Variants in UROC1 observed in about 807,000 individuals in gnomAD.
The protein encoded by UROC1 is urocanate hydratase.
A neutral mutation model predicts 89.5 loss-of-function variants in UROC1; 79 were observed. The ratio of observed to expected loss-of-function variants is 0.88; its 90% CI spans 0.74 to 1.06. UROC1 has a LOEUF of 1.06. Ranked by LOEUF, UROC1 falls within the 50% of genes least tolerant of loss-of-function variation. UROC1 has a pLI of 0.00. For missense variants in UROC1, 885 were observed against 907.8 expected (o/e 0.97, Z 0.32); for synonymous variants, 361 against 354.8 (o/e 1.02, Z -0.20).
At chr3:126,487,667 A>G (rs1343959362) in intron 18 of UROC1, among the ~76,000 whole-genome samples, 2 of 152,172 alleles carry the variant, frequency 1.3e-5, no homozygotes, top group African/African-American at 4.8e-5. Flanking sequence ...AGGAGCCCAG[A>G]TCTGGGGAGC....
chr3:126,508,947 G>A (rs1324998227), intron 3 of UROC1, among the ~76,000 whole-genome samples: 1 of 152,110 alleles, frequency 6.6e-6, no homozygotes, highest in Non-Finnish European at 1.5e-5. Flanking sequence ...CCAATATGGT[G>A]GCCACCAGTC....
chr3:126,489,849 C>T (rs917068364), intron 16 of UROC1, among the ~76,000 whole-genome samples: 6 of 152,306 alleles, frequency 3.9e-5, no homozygotes, highest in African/African-American at 1.2e-4. Flanking sequence ...TTCATTTGGA[C>T]GCAACCCCAT....
chr3:126,492,907 G>A (rs1935688393), intron 15 of UROC1, among the ~76,000 whole-genome samples: 1 of 152,258 alleles, frequency 6.6e-6, no homozygotes. Context: ...GGGCAAGTTT[G>A]CGTTGGGCCT....
intron 9 of UROC1, chr3:126,502,007 T>C (rs775117055): frequency 3.4e-5 from 50 of 1,481,694 alleles, no homozygotes; most frequent in Non-Finnish European, 4.2e-5. Context: ...AGCTCGGGGG[T>C]TGCGGAAGTG....
rs569077460 is a variant in UROC1 at position 126,486,004 on chromosome 3, C to T, written c.1790+2194G>A. On this transcript the variant is annotated intron_variant, in intron 18 of 19. Coordinates refer to ENST00000290868, the MANE Select transcript of UROC1 (RefSeq NM_144639.3). The stretch of plus-strand genomic sequence containing the variant: ...GTGATGGGATTCTGAAAGCTGGAGG[C>T]AGGCATCAGAAAGCTCCAGCGCAGT... Among the ~76,000 whole-genome samples, 6 of 152,340 alleles carry T rather than the reference C, an allele frequency of 3.9e-5. No individual in the cohort carries two copies. The South Asian group carries it at 1.2e-3, about 32-fold the overall frequency.
chr3:126,484,815 C>T (rs1935475199), intron 18 of UROC1, among the ~76,000 whole-genome samples: 2 of 152,206 alleles, frequency 1.3e-5, no homozygotes, highest in Admixed American at 6.5e-5. Flanking sequence ...TGCTCCAAGT[C>T]GATCTAAGGT....
chr3:126,498,830 C>T (rs1014883907), intron 13 of UROC1, among the ~76,000 whole-genome samples: 15 of 152,110 alleles, frequency 9.9e-5, no homozygotes, highest in Non-Finnish European at 2.1e-4. Flanking sequence ...TGTGGTCCCT[C>T]CTGCCCCCAG....
intron 2 of UROC1, 104 bp downstream of exon 2, chr3:126,510,560 C>A: frequency 6.5e-7 from 1 of 1,534,114 alleles, no homozygotes; most frequent in East Asian, 2.4e-5. Flanking sequence ...GACTGGGTTT[C>A]CCCCTCACTG....
chr3:126,505,623 G>T (rs1936035938), intron 8 of UROC1, 78 bp downstream of exon 8: 3 of 1,571,172 alleles, frequency 1.9e-6, no homozygotes, highest in East Asian at 2.3e-5. Flanking sequence ...TGGTGTAAGT[G>T]ATCCGGGAGG....
chr3:126,482,013 G>T lies in UROC1; in HGVS notation c.*332C>A, dbSNP rs1397913560. On this transcript the variant is annotated 3_prime_UTR_variant, in exon 20 of 20. Coordinates refer to ENST00000290868, the MANE Select transcript of UROC1 (RefSeq NM_144639.3). ...CTGGCAGGTGGCCAGGAAGCAGAGG[G>T]TGTGATCATCCCAGCCGGAGAGAGC... 1.6e-5 allele frequency: 6 copies of T among 365,452 alleles called. No individual in the cohort carries two copies. The East Asian group carries it at 3.6e-4, about 22-fold the overall frequency. 22.6% of individuals were successfully genotyped at this position (365,452 alleles called of 1,614,324 possible).
At position 126,483,404 on chromosome 3, in the gene UROC1, C is replaced by A; in HGVS notation, c.1855G>T (p.Ala619Ser). The A allele has an allele frequency of 1.2e-6, 2 of 1,613,682 alleles. No homozygotes were observed. The highest frequency in any genetic ancestry group is 1.7e-6 in the Non-Finnish European group (2 of 1,180,046). The change falls in exon 19 of 20, where the codon GCC becomes TCC. Residue 619 changes from alanine (A) to serine (S), a missense_variant. Transcript: ENST00000290868. The part of the protein sequence containing the change: ...LDGTPEAEGR[A>S]RLMLSWDVSN... ...ACATCCCAGCTGAGCATCAGCCTGG[C>A]TCTCCCCTCGGCCTCCGGGGTACCG...
At chr3:126,498,658 C>G (rs1283049729) in intron 13 of UROC1, among the ~76,000 whole-genome samples, 2 of 152,086 alleles carry the variant, frequency 1.3e-5, no homozygotes, top group Admixed American at 6.5e-5. Flanking sequence ...TCCTCCTGGG[C>G]AGCCCTCCCT....
At chr3:126,482,600 G>A in intron 19 of UROC1, 115 bp from the exon 20 acceptor site, 1 of 1,499,830 alleles carries the variant, frequency 6.7e-7, no homozygotes. Context: ...TGTCCGTGGG[G>A]ACAGCTGCCC....
At chr3:126,483,568 C>A in intron 18 of UROC1, 100 bp from the exon 19 acceptor site, 1 of 1,166,238 alleles carries the variant, frequency 8.6e-7, no homozygotes, top group African/African-American at 1.5e-5. Context: ...GAGACGGCGT[C>A]AGGGTTGGGG....
intron 1 of UROC1, 95 bp downstream of exon 1, chr3:126,517,499 T>C: frequency 1.9e-6 from 3 of 1,588,442 alleles, no homozygotes; most frequent in Admixed American, 3.4e-5. Flanking sequence ...GCTGAGCAGC[T>C]CCCACTAAGA....
At chr3:126,484,028 C>T (rs1576707821) in intron 18 of UROC1, among the ~76,000 whole-genome samples, 1 of 152,112 alleles carries the variant, frequency 6.6e-6, no homozygotes, top group East Asian at 1.9e-4. Flanking sequence ...TGATTTTATC[C>T]TTATGATCTT....
intron 19 of UROC1, 55 bp from the exon 20 acceptor site, chr3:126,482,540 G>A (rs1167990109): frequency 1.4e-5 from 22 of 1,612,720 alleles, no homozygotes; most frequent in Non-Finnish European, 1.8e-5. Flanking sequence ...CTCCCCACGT[G>A]AGTCTTGGCT....
chr3:126,482,569 C>CT lies in UROC1; in HGVS notation c.1891-85dup, dbSNP rs994867172. The CT allele has an allele frequency of 5.5e-5, 89 of 1,603,786 alleles. 1 individual carries two copies. The Admixed American group carries it at 1.5e-3, about 27-fold the overall frequency. ...CTTGGCTCCCACACTTGGGGCCTCT[C>CT]TGCTTCGGGACCTCTGAGGCTGTCC... On this transcript the variant is annotated intron_variant, in intron 19 of 19. Transcript: ENST00000290868.
chr3:126,510,489 G>T (rs1936168070), intron 2 of UROC1, among the ~76,000 whole-genome samples, 175 bp downstream of exon 2: 2 of 152,204 alleles, frequency 1.3e-5, no homozygotes, highest in South Asian at 4.1e-4. Flanking sequence ...AGCCAGCGCT[G>T]GGCTCCGGCT....
Sources: allele counts gnomAD v4.1 joint callset (sites outside exome capture counted in the v4.1 genomes callset), GRCh38; gene constraint gnomAD v4.1.1; transcripts MANE v1.5; gene names NCBI Gene and HGNC (gene_info 2026-07-23, HGNC 2026-07-21).